The following RBMS3 variants were observed in gnomAD, a reference collection of about 807,000 sequenced individuals.
The protein encoded by RBMS3 is RNA binding motif single stranded interacting protein 3.
In RBMS3, 27 loss-of-function variants were observed where a neutral mutation model predicts 66.8. The ratio of observed to expected loss-of-function variants is 0.40; its 90% CI spans 0.30 to 0.56. RBMS3 has a LOEUF of 0.56. RBMS3 is among the 20% of genes least tolerant of loss of function. RBMS3 has a pLI of 0.40. For synonymous variants in RBMS3, 188 were observed against 183.0 expected, an observed-to-expected ratio of 1.03 and a Z score of -0.22; for missense variants, 513 against 549.5, an observed-to-expected ratio of 0.93 and a Z score of 0.66.
chr3:29,584,791 A>G (rs1375725148), intron 3 of RBMS3, among the ~76,000 whole-genome samples: 1 of 151,926 alleles, frequency 6.6e-6, no homozygotes, highest in Admixed American at 6.6e-5. Context: ...ATTTCACCCT[A>G]TTTCATTGCC....
In RBMS3 at chr3:29,897,501, G is replaced by C. The variant is rs746699630; in HGVS notation, c.888+26G>C. 7.6e-6 allele frequency: 12 copies of C among 1,585,122 alleles called. No individual in the cohort carries two copies. In the African/African-American group the frequency reaches 8.1e-5, roughly 11 times the overall value. ...GTATGTCCAATTTACCTGCACCTTA[G>C]GAGATATCTTTCTTGCAGTAATACA... On this transcript the variant is annotated intron_variant, in intron 9 of 14. Transcript: ENST00000383767.
intron 14 of RBMS3, among the ~76,000 whole-genome samples, chr3:29,994,281 C>G (rs1051115922): frequency 1.3e-5 from 2 of 151,742 alleles, no homozygotes; most frequent in South Asian, 2.1e-4. Flanking sequence ...AGGGTCCTAC[C>G]CCCACGGAGT....
At chr3:29,922,202 C>A (rs1250948714) in intron 10 of RBMS3, among the ~76,000 whole-genome samples, 2 of 152,130 alleles carry the variant, frequency 1.3e-5, no homozygotes, top group East Asian at 1.9e-4. Flanking sequence ...CAAGATATAA[C>A]AGAGGCCGGG....
intron 3 of RBMS3, among the ~76,000 whole-genome samples, chr3:29,584,610 T>C (rs2047445269): frequency 6.6e-6 from 1 of 152,130 alleles, no homozygotes; most frequent in African/African-American, 2.4e-5. Flanking sequence ...CCCATTTCAA[T>C]AAATTACATA....
At chr3:29,926,555 A>C (rs911188555) in intron 10 of RBMS3, among the ~76,000 whole-genome samples, 4 of 152,192 alleles carry the variant, frequency 2.6e-5, no homozygotes, top group Admixed American at 2.0e-4. Flanking sequence ...CCCATTTGCC[A>C]ATAGGATCTT....
chr3:29,650,671 G>C (rs190375160), intron 4 of RBMS3, among the ~76,000 whole-genome samples: 4 of 152,252 alleles, frequency 2.6e-5, no homozygotes, highest in Admixed American at 6.5e-5. Context: ...TGCCTGACAA[G>C]GTACTTGCCC....
At chr3:29,316,288 T>C (rs76983062) in intron 1 of RBMS3, among the ~76,000 whole-genome samples, 1 of 151,772 alleles carries the variant, frequency 6.6e-6, no homozygotes, top group Non-Finnish European at 1.5e-5. Context: ...TTATATGACT[T>C]TGATCTGACT....
At chr3:29,782,812 G>T (rs2056683916) in intron 6 of RBMS3, among the ~76,000 whole-genome samples, 1 of 152,104 alleles carries the variant, frequency 6.6e-6, no homozygotes, top group Non-Finnish European at 1.5e-5. Flanking sequence ...AAATTCTTCA[G>T]TGACACAGAC....
chr3:29,931,703 T>C (rs1011205282), intron 10 of RBMS3, among the ~76,000 whole-genome samples: 1 of 152,158 alleles, frequency 6.6e-6, no homozygotes, highest in Non-Finnish European at 1.5e-5. Context: ...CTACATATAC[T>C]ACAAGACAAG....
chr3:29,375,551 A>G (rs1459407761), intron 1 of RBMS3, among the ~76,000 whole-genome samples: 2 of 152,248 alleles, frequency 1.3e-5, no homozygotes, highest in African/African-American at 4.8e-5. Context: ...AATGACATGA[A>G]CAGACACTTA....
intron 10 of RBMS3, among the ~76,000 whole-genome samples, chr3:29,922,158 T>A (rs1227408937): frequency 6.6e-6 from 1 of 152,244 alleles, no homozygotes; most frequent in African/African-American, 2.4e-5. Context: ...GTTAAAGTTA[T>A]TTAACTGTAA....
At chr3:29,623,955 G>GA (rs1363069132) in intron 4 of RBMS3, among the ~76,000 whole-genome samples, 9 of 151,906 alleles carry the variant, frequency 5.9e-5, no homozygotes, top group African/African-American at 2.2e-4. Context: ...GAATTATGGG[G>GA]AAAAAAAAGC....
At chr3:29,667,105 T>C (rs532434466) in intron 4 of RBMS3, among the ~76,000 whole-genome samples, 5 of 152,218 alleles carry the variant, frequency 3.3e-5, no homozygotes, top group South Asian at 2.1e-4. Flanking sequence ...TGGGAAATAA[T>C]GTTCTTGCCC....
intron 6 of RBMS3, among the ~76,000 whole-genome samples, chr3:29,825,277 T>C (rs896088110): frequency 5.9e-5 from 9 of 152,124 alleles, no homozygotes; most frequent in Non-Finnish European, 1.3e-4. Flanking sequence ...CCTCAGGTTA[T>C]CCACCTGCCT....
intron 6 of RBMS3, among the ~76,000 whole-genome samples, chr3:29,814,863 T>A (rs1410076517): frequency 2.0e-5 from 3 of 152,176 alleles, no homozygotes; most frequent in Non-Finnish European, 2.9e-5. Context: ...GCCTGGAAAA[T>A]AACTAATGCT....
chr3:29,695,721 T>C (rs2149279741), intron 4 of RBMS3, among the ~76,000 whole-genome samples: 1 of 152,314 alleles, frequency 6.6e-6, no homozygotes. Flanking sequence ...TAAAGCATTT[T>C]CTTTTGATTG....
chr3:29,809,832 T>G (rs2057677518), intron 6 of RBMS3, among the ~76,000 whole-genome samples: 1 of 152,046 alleles, frequency 6.6e-6, no homozygotes, highest in African/African-American at 2.4e-5. Flanking sequence ...AGAAAATAAC[T>G]TTCAGTTTAG....
intron 4 of RBMS3, among the ~76,000 whole-genome samples, chr3:29,684,577 G>T (rs541307836): frequency 2.6e-5 from 4 of 152,228 alleles, no homozygotes; most frequent in Non-Finnish European, 4.4e-5. Context: ...TTCCCTGAAA[G>T]CATTGTTTTG....
intron 6 of RBMS3, among the ~76,000 whole-genome samples, chr3:29,817,409 T>C (rs1035124156): frequency 2.6e-4 from 39 of 152,164 alleles, no homozygotes; most frequent in African/African-American, 8.9e-4. Flanking sequence ...TTTACCATGT[T>C]GGCCAGGCTG....
Sources: allele counts gnomAD v4.1 joint callset (sites outside exome capture counted in the v4.1 genomes callset), GRCh38; gene constraint gnomAD v4.1.1; transcripts MANE v1.5; gene names NCBI Gene and HGNC (gene_info 2026-07-23, HGNC 2026-07-21).